Variants in DMRT1 observed in about 807,000 individuals in gnomAD.
The protein encoded by DMRT1 is doublesex- and mab-3-related transcription factor 1.
A neutral mutation model predicts 32.3 loss-of-function variants in DMRT1; 7 were observed. That is an observed-to-expected ratio of 0.22 (90% CI 0.12 to 0.41). DMRT1 has a LOEUF of 0.41. Ranked by LOEUF, DMRT1 falls within the 10% of genes least tolerant of loss-of-function variation. The probability of loss-of-function intolerance (pLI) is 1.00; values close to 1 mark genes in which losing one functional copy is unlikely to be tolerated. For synonymous variants in DMRT1, 278 were observed against 206.1 expected (o/e 1.35, Z -2.99); for missense variants, 625 against 500.5 (o/e 1.25, Z -2.37).
chr9:886,072 T>G (rs1218870226), intron 2 of DMRT1, among the ~76,000 whole-genome samples: 2 of 152,184 alleles, frequency 1.3e-5, no homozygotes, highest in African/African-American at 4.8e-5. Flanking sequence ...CATTAAAATG[T>G]TTCCCTTCAA....
chr9:896,841 G>A (rs1817387393), intron 3 of DMRT1, among the ~76,000 whole-genome samples: 1 of 151,874 alleles, frequency 6.6e-6, no homozygotes. Flanking sequence ...ACTTTTCTAA[G>A]CCCACTTCAA....
Position 872,150 on chromosome 9 carries a change from C to T in DMRT1, c.539-21762C>T, listed in dbSNP as rs532243045. Among the ~76,000 whole-genome samples the T allele has an allele frequency of 4.3e-4, 65 of 151,320 alleles. 2 individuals are homozygous for T. The Middle Eastern group carries it at 0.01, about 24-fold the overall frequency. Reference sequence around the variant, plus strand: ...GATTTCGGCTCACTGCAACCTCTGCCTCCCAGGTTCAAGGGATTCTCCTGC... The same window carrying T: ...GATTTCGGCTCACTGCAACCTCTGCTTCCCAGGTTCAAGGGATTCTCCTGC... On this transcript the variant is annotated intron_variant, in intron 2 of 4. Coordinates refer to ENST00000382276, the MANE Select transcript of DMRT1 (RefSeq NM_021951.3).
At chr9:860,902 G>T (rs992249178) in intron 2 of DMRT1, among the ~76,000 whole-genome samples, 16 of 152,188 alleles carry the variant, frequency 1.1e-4, no homozygotes, top group Non-Finnish European at 2.4e-4. Context: ...TGAGCACAGG[G>T]TGACACCAGT....
At chr9:886,687 A>G (rs1480870788) in intron 2 of DMRT1, among the ~76,000 whole-genome samples, 1 of 152,126 alleles carries the variant, frequency 6.6e-6, no homozygotes, top group Non-Finnish European at 1.5e-5. Context: ...AAATATATAC[A>G]TATTTTAAAT....
chr9:927,205 T>C (rs1475668552), intron 4 of DMRT1, among the ~76,000 whole-genome samples: 2 of 152,254 alleles, frequency 1.3e-5, no homozygotes, highest in Admixed American at 6.5e-5. Context: ...AAAGGTGTGC[T>C]GTCCTTCTTT....
rs1026629622 is a variant in DMRT1, at chr9:882,873, G to A, written c.539-11039G>A. ...TGCCACCTCTGCCTCTCAGGTTCAA[G>A]TGATTCTTCTGCCTCAGCCTCCCCA... On this transcript the variant is annotated intron_variant, in intron 2 of 4. Transcript: ENST00000382276. Among the ~76,000 whole-genome samples the A allele has an allele frequency of 2.0e-5, 3 of 149,880 alleles. No individual in the cohort carries two copies. In the South Asian group the frequency reaches 6.3e-4, roughly 32 times the overall value.
At chr9:847,893 C>T (rs1365272988) in intron 2 of DMRT1, among the ~76,000 whole-genome samples, 2 of 152,166 alleles carry the variant, frequency 1.3e-5, no homozygotes, top group African/African-American at 4.8e-5. Context: ...TTACACTAGC[C>T]ACATTTCATG....
chr9:899,008 T>G (rs1817473668), intron 3 of DMRT1, among the ~76,000 whole-genome samples: 1 of 152,190 alleles, frequency 6.6e-6, no homozygotes, highest in Non-Finnish European at 1.5e-5. Context: ...ATGTATTTTT[T>G]TAACTATTGT....
chr9:843,231 C>T (rs895624089), intron 1 of DMRT1, among the ~76,000 whole-genome samples: 2 of 152,236 alleles, frequency 1.3e-5, no homozygotes, highest in African/African-American at 4.8e-5. Context: ...CCGGCTGCTG[C>T]TTACGCGGGT....
chr9:920,199 T>C (rs1234814208), intron 4 of DMRT1, among the ~76,000 whole-genome samples: 1 of 152,062 alleles, frequency 6.6e-6, no homozygotes, highest in Non-Finnish European at 1.5e-5. Context: ...TGCATAGGTT[T>C]ATTTGAAGTC....
At chr9:939,002 T>C (rs895319756) in intron 4 of DMRT1, among the ~76,000 whole-genome samples, 8 of 152,262 alleles carry the variant, frequency 5.3e-5, no homozygotes, top group African/African-American at 1.9e-4. Flanking sequence ...CTCAGTGATC[T>C]TGTAACCCAC....
At chr9:942,242 A>G (rs182991947) in intron 4 of DMRT1, among the ~76,000 whole-genome samples, 2 of 152,212 alleles carry the variant, frequency 1.3e-5, no homozygotes, top group East Asian at 3.9e-4. Context: ...AGTTTTGGCA[A>G]TGTGTCTTTC....
In DMRT1 at chr9:886,535, C is replaced by T. The variant is rs540911466; in HGVS notation, c.539-7377C>T. Reference sequence around the variant, plus strand: ...CCTCCCAAAGTGTTGGGATTACACGCGTGAGCCACCGTGTACGGCCAAACT... The same window carrying T: ...CCTCCCAAAGTGTTGGGATTACACGTGTGAGCCACCGTGTACGGCCAAACT... On this transcript the variant is annotated intron_variant, in intron 2 of 4. Transcript: ENST00000382276. Among the ~76,000 whole-genome samples, 306 of 152,086 alleles carry T rather than the reference C, an allele frequency of 2.0e-3. 2 individuals carry two copies. The highest frequency in any genetic ancestry group is 6.9e-3 in the African/African-American group (285 of 41,496).
intron 1 of DMRT1, among the ~76,000 whole-genome samples, chr9:844,506 C>A (rs1471126520): frequency 1.4e-5 from 2 of 142,746 alleles, no homozygotes; most frequent in African/African-American, 6.1e-5. Flanking sequence ...TTGATGTTCT[C>A]TTTCTAAGCC....
chr9:902,689 A>G (rs1853370), intron 3 of DMRT1, among the ~76,000 whole-genome samples: 128,384 of 151,588 alleles, frequency 0.85, 54,618 homozygotes, highest in South Asian at 0.93. Flanking sequence ...GGGTTTCGCC[A>G]TGTTGGCCAG....
intron 4 of DMRT1, among the ~76,000 whole-genome samples, chr9:930,481 G>GCAA (rs1439162337): frequency 6.6e-6 from 1 of 151,564 alleles, no homozygotes; most frequent in Non-Finnish European, 1.5e-5. Context: ...GTGCGATCTC[G>GCAA]GCTCACTGCA....
At position 956,255 on chromosome 9, in the gene DMRT1, G is replaced by T. The variant is rs549659386; in HGVS notation, c.968-11730G>T. On this transcript the variant is annotated intron_variant, in intron 4 of 4. Transcript: ENST00000382276. ...AGAGCCAGAAAGTAGAATGGTGGTT[G>T]CCAGGAGTTGAGGGGAGAAGAGGAT... is the stretch of plus-strand genomic sequence containing the variant. Among the ~76,000 whole-genome samples the T allele has an allele frequency of 3.9e-5, 6 of 152,336 alleles. No homozygotes were observed. The East Asian group carries it at 1.2e-3, about 29-fold the overall frequency.
chr9:957,704 C>A (rs1490219581), intron 4 of DMRT1, among the ~76,000 whole-genome samples: 1 of 152,230 alleles, frequency 6.6e-6, no homozygotes, highest in East Asian at 1.9e-4. Context: ...TTGCTTCCTC[C>A]TTCTATTTTA....
chr9:842,230 G>GTTGT, intron 1 of DMRT1, 38 bp downstream of exon 1: 2 of 1,267,106 alleles, frequency 1.6e-6, no homozygotes, highest in African/African-American at 4.3e-5. Context: ...TTCAGCCTTA[G>GTTGT]TTTTTTTTTT....
Sources: allele counts gnomAD v4.1 joint callset (sites outside exome capture counted in the v4.1 genomes callset), GRCh38; gene constraint gnomAD v4.1.1; transcripts MANE v1.5; gene names NCBI Gene and HGNC (gene_info 2026-07-23, HGNC 2026-07-21).